Variants in MELTF observed in about 807,000 individuals in gnomAD.
MELTF encodes antigen p97 (melanoma associated) identified by monoclonal antibodies 133.2 and 96.5.
In MELTF, 67 loss-of-function variants were observed where a neutral mutation model predicts 83.7. That is an observed-to-expected ratio of 0.80 (90% CI 0.66 to 0.98). The LOEUF (loss-of-function observed/expected upper bound fraction) is 0.98, where lower values mean the gene tolerates loss of function less well. Among genes scored for constraint, MELTF ranks in the 50% least tolerant of loss-of-function variants. The pLI is 0.00. For missense variants in MELTF, 1,002 were observed against 1,035.6 expected (o/e 0.97, Z 0.44); for synonymous variants, 462 against 447.6 (o/e 1.03, Z -0.41).
At chr3:197,023,803 A>G (rs1257641143) in intron 4 of MELTF, 2 of 455,262 alleles carry the variant, frequency 4.4e-6, no homozygotes, top group Non-Finnish European at 8.8e-6. Context: ...ACACCTGGCC[A>G]CCAGCTGAGA....
Position 197,024,053 on chromosome 3 carries a change from C to T in MELTF, c.487+250G>A, listed in dbSNP as rs1387730488. On this transcript the variant is annotated intron_variant, in intron 4 of 15. Coordinates refer to ENST00000296350, the MANE Select transcript of MELTF (RefSeq NM_005929.6). The surrounding 1 kb of genome is among the most constrained non-coding windows in gnomAD (Gnocchi z 5.3). ...TGGGCTGGGCCTGTGCCTGGCTGTG[C>T]CATGTGGGACACCACGATGCGTGAG... 2 of 637,202 alleles carry T rather than the reference C, an allele frequency of 3.1e-6. No individual in the cohort carries two copies. Among genetic ancestry groups the T allele is most frequent in the Non-Finnish European group, 5.8e-6 (2 of 346,052 alleles). The allele number at this position is 637,202 out of a possible 1,614,324, so 39.5% of individuals were successfully genotyped here.
At position 197,016,336 on chromosome 3, in the gene MELTF, T is replaced by C. The variant is rs756869653; in HGVS notation, c.934A>G (p.Met312Val). ...TGGCCATAGGCCTCAGAGCTGAACA[T>C]CTGGAAGCTGCTGCCCTCGTGGCTG... ...LFSHEGSSFQ[M>V]FSSEAYGQKD... The change falls in exon 8 of 16, where the codon ATG becomes GTG. Residue 312 changes from methionine (M) to valine (V), a missense_variant. Physicochemically the swap from Met to Val is conservative, Grantham distance 21. Transcript: ENST00000296350. 4.5e-5 allele frequency: 72 copies of C among 1,605,756 alleles called. No individual in the cohort carries two copies. In the Admixed American group the frequency reaches 1.0e-3, roughly 23 times the overall value.
chr3:197,010,354 A>G (rs939016667), intron 10 of MELTF, among the ~76,000 whole-genome samples: 5 of 152,270 alleles, frequency 3.3e-5, no homozygotes, highest in Non-Finnish European at 5.9e-5. Flanking sequence ...GTAGTCCAAG[A>G]TGGCAAACTA....
At chr3:197,013,010 GGTGCTGTCAGCAATGCTGAACTTCCC>G (rs770618884) in intron 9 of MELTF, among the ~76,000 whole-genome samples, 45 of 152,270 alleles carry the variant, frequency 3.0e-4, no homozygotes, top group Non-Finnish European at 4.7e-4. Context: ...CTGAGTGCTC[GGTGCTGTCAGCAATGCTGAACTTCCC>G]TATGAAAATT....
intron 7 of MELTF, 84 bp from the exon 8 acceptor site, chr3:197,016,453 C>T: frequency 7.8e-7 from 1 of 1,285,724 alleles, no homozygotes. Flanking sequence ...CTACCTCCTT[C>T]TTCCCCGACC....
At chr3:197,015,274 C>A (rs1018017746) in intron 9 of MELTF, 91 bp downstream of exon 9, 10 of 1,413,766 alleles carry the variant, frequency 7.1e-6, no homozygotes, top group Non-Finnish European at 9.6e-6. Context: ...TCTCCTCTTC[C>A]CCAGGCAGCA....
At chr3:197,012,793 C>T (rs562432430) in intron 9 of MELTF, among the ~76,000 whole-genome samples, 2 of 152,346 alleles carry the variant, frequency 1.3e-5, no homozygotes, top group South Asian at 4.1e-4. Context: ...GCCAGTGTTT[C>T]TAGCTGCGGA....
At position 197,015,480 on chromosome 3, in the gene MELTF, G is replaced by A; in HGVS notation, c.1118C>T (p.Thr373Ile). The A allele has an allele frequency of 6.2e-7, 1 of 1,612,148 alleles. No individual in the cohort carries two copies. The highest frequency in any genetic ancestry group is 8.5e-7 in the Non-Finnish European group (1 of 1,179,436). ...PPYLRWCVLS[T>I]PEIQKCGDMA... is the part of the protein sequence containing the mutation. ...GTCTCCACACTTCTGGATCTCGGGAGTGGAGAGCACACACCAGCGCAGGTA... is the reference window on the plus strand; with the variant it reads ...GTCTCCACACTTCTGGATCTCGGGAATGGAGAGCACACACCAGCGCAGGTA... The change falls in exon 9 of 16, where the codon ACT (threonine) becomes ATT (isoleucine). Residue 373 changes from threonine (T) to isoleucine (I), a missense_variant. Coordinates refer to ENST00000296350, the MANE Select transcript of MELTF (RefSeq NM_005929.6).
At chr3:197,009,897 C>A in intron 10 of MELTF, 85 bp from the exon 11 acceptor site, 1 of 1,219,496 alleles carries the variant, frequency 8.2e-7, no homozygotes, top group Non-Finnish European at 1.2e-6. Context: ...CAAACCCACT[C>A]CTTCCTGTCT....
In MELTF at chr3:197,009,608, G is replaced by C. The variant is rs9864988; in HGVS notation, c.1525+10C>G. ...TTCCCCAGTCTGCGTTCCTAAAAAG[G>C]GGGGGGTACCTGTGAGGACGTCACA... On this transcript the variant is annotated intron_variant, in intron 11 of 15. Coordinates refer to ENST00000296350, the MANE Select transcript of MELTF (RefSeq NM_005929.6). 5,716 of 1,596,134 alleles carry C rather than the reference G, an allele frequency of 3.6e-3. 161 individuals carry two copies. In the African/African-American group the frequency reaches 0.066, roughly 18 times the overall value.
In MELTF at chr3:197,024,098, G is replaced by A. The variant is rs1446095686; in HGVS notation, c.487+205C>T. ...CGTGAGCAAGAATCGCGCCCCACAG[G>A]GTCCAAGCAAGCAGGAAGTCAAGCG... On this transcript the variant is annotated intron_variant, in intron 4 of 15. Transcript: ENST00000296350. This position sits in a 1 kb window ranked among gnomAD's most constrained non-coding sequence, Gnocchi z 5.3. 6.6e-6 allele frequency among the ~76,000 whole-genome samples: 1 copy of A among 152,010 alleles called. No homozygotes were observed. The highest frequency in any genetic ancestry group is 1.5e-5 in the Non-Finnish European group (1 of 67,988).
In MELTF at chr3:197,008,322, C is replaced by T. The variant is rs1368829519; in HGVS notation, c.1750+335G>A. On this transcript the variant is annotated intron_variant, in intron 13 of 15. Transcript: ENST00000296350. This position sits in a 1 kb window ranked among gnomAD's most constrained non-coding sequence, Gnocchi z 5.4. The stretch of plus-strand genomic sequence containing the variant: ...CATGACCCTGTGGAGAGGCTCATGC[C>T]ACTCCCACCTCACACCTTGGCACTA... Among the ~76,000 whole-genome samples, 1 of 152,126 alleles carries T rather than the reference C, an allele frequency of 6.6e-6. No homozygotes were observed. The highest frequency in any genetic ancestry group is 1.9e-4 in the East Asian group (1 of 5,182).
chr3:197,003,971 G>A lies in MELTF; in HGVS notation c.2067C>T (p.Tyr689=), dbSNP rs1419545489. 1.9e-6 allele frequency: 3 copies of A among 1,614,160 alleles called. No homozygotes were observed. Among genetic ancestry groups the A allele is most frequent in the East Asian group, 4.5e-5 (2 of 44,876 alleles). ...RAVPVGEKTT[Y]RGWLGLDYVA... ...CGTAGTCCAGCCCCAGCCAGCCGCG[G>A]TAGGTGGTTTTCTCTCCGACAGGCA... The change falls in exon 15 of 16, where the codon TAC becomes TAT. Residue 689 remains tyrosine (Y), a synonymous_variant. Coordinates refer to ENST00000296350, the MANE Select transcript of MELTF (RefSeq NM_005929.6). The surrounding 1 kb of genome is among the most constrained non-coding windows in gnomAD (Gnocchi z 6.2).
rs369994330 is a variant in MELTF, at chr3:197,021,446, C to A, written c.670G>T (p.Val224Leu). 4 of 1,614,092 alleles carry A rather than the reference C, an allele frequency of 2.5e-6. No individual in the cohort carries two copies. Among genetic ancestry groups the A allele is most frequent in the Non-Finnish European group, 3.4e-6 (4 of 1,180,022 alleles). ...FRCLAEGAGD[V>L]AFVKHSTVLE... ...ACCGTGCTGTGCTTCACAAAAGCCA[C>A]GTCCCCTGCCCCTTCCGCCAGGCAC... Residue 224 changes from valine to leucine, a missense_variant, in exon 6 of 16, where the codon GTG becomes TTG. Val to Leu is a conservative substitution (Grantham distance 32). Coordinates refer to ENST00000296350, the MANE Select transcript of MELTF (RefSeq NM_005929.6).
In MELTF at chr3:197,024,604, G is replaced by A. The variant is rs1719778953; in HGVS notation, c.305-119C>T. The A allele has an allele frequency of 1.4e-6, 1 of 732,624 alleles. No homozygotes were observed. The highest frequency in any genetic ancestry group is 2.1e-6 in the Non-Finnish European group (1 of 470,942). 45.4% of individuals were successfully genotyped at this position (732,624 alleles called of 1,614,324 possible). Reference sequence around the variant, plus strand: ...GTGCACGGAGCACGGCTGTACACACGGATGTGTGCATAGCGTTCTCGTTAC... The same window carrying A: ...GTGCACGGAGCACGGCTGTACACACAGATGTGTGCATAGCGTTCTCGTTAC... On this transcript the variant is annotated intron_variant, in intron 3 of 15. Coordinates refer to ENST00000296350, the MANE Select transcript of MELTF (RefSeq NM_005929.6). The surrounding 1 kb of genome is among the most constrained non-coding windows in gnomAD (Gnocchi z 5.3).
chr3:197,006,866 C>T lies in MELTF; in HGVS notation c.1751-130G>A, dbSNP rs1037055466. ...GCAACATCTGGCCAGCTCCCCAACC[C>T]TCTCCATTCTCCACGTGCTCTGCTG... On this transcript the variant is annotated intron_variant, in intron 13 of 15. Transcript: ENST00000296350. This position sits in a 1 kb window ranked among gnomAD's most constrained non-coding sequence, Gnocchi z 5.4. 3 of 783,714 alleles carry T rather than the reference C, an allele frequency of 3.8e-6. No individual in the cohort carries two copies. In the Admixed American group the frequency reaches 1.1e-4, roughly 28 times the overall value. The allele number at this position is 783,714 out of a possible 1,614,324, so 48.5% of individuals were successfully genotyped here. A position where few individuals can be genotyped will look rare whatever the true frequency, so the allele number is the denominator to read the frequency against.
In MELTF at chr3:197,003,325, G is replaced by C; in HGVS notation, c.*47C>G. ...TGGATTCCAGCGCGAAGCCGCCGCG[G>C]AAACTCCCCGGGCGGGCATCGGAGC... On this transcript the variant is annotated 3_prime_UTR_variant, in exon 16 of 16. Coordinates refer to ENST00000296350, the MANE Select transcript of MELTF (RefSeq NM_005929.6). This position sits in a 1 kb window ranked among gnomAD's most constrained non-coding sequence, Gnocchi z 6.2. 1 of 1,046,182 alleles carries C rather than the reference G, an allele frequency of 9.6e-7. No individual in the cohort carries two copies. Among genetic ancestry groups the C allele is most frequent in the Non-Finnish European group, 1.1e-6 (1 of 871,460 alleles). The allele number at this position is 1,046,182 out of a possible 1,614,324, so 64.8% of individuals were successfully genotyped here.
Position 197,013,972 on chromosome 3 carries a change from T to C in MELTF, c.1233+1393A>G, listed in dbSNP as rs116107171. Among the ~76,000 whole-genome samples, 614 of 152,308 alleles carry C rather than the reference T, an allele frequency of 4.0e-3. 1 individual carries two copies. Among genetic ancestry groups the C allele is most frequent in the Admixed American group, 0.011 (166 of 15,304 alleles). Reference sequence around the variant, plus strand: ...CCTCCACAAACTACAAATCGAACTATTGAATACCATATGGTCCAGTAATCC... The same window carrying C: ...CCTCCACAAACTACAAATCGAACTACTGAATACCATATGGTCCAGTAATCC... On this transcript the variant is annotated intron_variant, in intron 9 of 15. Transcript: ENST00000296350.
At position 197,029,631 on chromosome 3, in the gene MELTF, T is replaced by C. The variant is rs773804792; in HGVS notation, c.49+23A>G. ...GCGCCCCGGGACCCCCGCCCGCCTT[T>C]GGCTCTCACAGCGGGGCCTCACCGG... On this transcript the variant is annotated intron_variant, in intron 1 of 15. Coordinates refer to ENST00000296350, the MANE Select transcript of MELTF (RefSeq NM_005929.6). The surrounding 1 kb of genome is among the most constrained non-coding windows in gnomAD (Gnocchi z 6.5). 4.0e-6 allele frequency: 5 copies of C among 1,241,996 alleles called. No homozygotes were observed. 76.9% of individuals were successfully genotyped at this position (1,241,996 alleles called of 1,614,324 possible).
Sources: gnomAD v4.1 joint callset for allele counts (sites outside exome capture counted in the v4.1 genomes callset) on GRCh38, gnomAD v4.1.1 for gene constraint, Gnocchi (gnomAD v3.1) non-coding constraint, MANE v1.5 for transcripts, NCBI Gene and HGNC (gene_info 2026-07-23, HGNC 2026-07-21) for gene names.